Variants in MTX2 observed in about 807,000 individuals in gnomAD.
MTX2 encodes the protein metaxin-2.
A neutral mutation model predicts 42.3 loss-of-function variants in MTX2; 35 were observed. The ratio of observed to expected loss-of-function variants is 0.83; its 90% CI spans 0.63 to 1.10. The LOEUF (loss-of-function observed/expected upper bound fraction) is 1.10, where lower values mean the gene tolerates loss of function less well. MTX2 is among the 50% of genes least tolerant of loss of function. The pLI is 0.00. For missense variants in MTX2, 307 were observed against 304.1 expected (o/e 1.01, Z -0.07); for synonymous variants, 119 against 100.9 (o/e 1.18, Z -1.08).
intron 4 of MTX2, among the ~76,000 whole-genome samples, chr2:176,326,266 T>A (rs1373839413): frequency 6.6e-6 from 1 of 151,776 alleles, no homozygotes; most frequent in African/African-American, 2.4e-5. Context: ...CCAACTAGCA[T>A]GCCTTCAAAG....
At chr2:176,286,309 A>G (rs1693200193) in intron 1 of MTX2, among the ~76,000 whole-genome samples, 2 of 152,222 alleles carry the variant, frequency 1.3e-5, no homozygotes, top group Non-Finnish European at 2.9e-5. Flanking sequence ...TGTCGTTATC[A>G]TAATCATCAT....
intron 3 of MTX2, among the ~76,000 whole-genome samples, chr2:176,309,931 A>G (rs1288499317): frequency 2.6e-5 from 4 of 152,070 alleles, no homozygotes; most frequent in Admixed American, 2.6e-4. Context: ...TTATATGTGA[A>G]TTTGATCCTG....
intron 8 of MTX2, among the ~76,000 whole-genome samples, chr2:176,330,371 A>G (rs1684831411): frequency 6.7e-6 from 1 of 149,466 alleles, no homozygotes; most frequent in Non-Finnish European, 1.5e-5. Flanking sequence ...ATTTCTTATA[A>G]GTATTTCTTA....
At chr2:176,292,049 C>G (rs1693340997) in intron 1 of MTX2, among the ~76,000 whole-genome samples, 1 of 152,196 alleles carries the variant, frequency 6.6e-6, no homozygotes. Context: ...ATAAAATTTA[C>G]TTTTGATGTG....
intron 4 of MTX2, among the ~76,000 whole-genome samples, chr2:176,326,482 C>T (rs547962554): frequency 5.3e-5 from 8 of 151,664 alleles, no homozygotes; most frequent in Non-Finnish European, 1.2e-4. Flanking sequence ...GGTCATGTAC[C>T]AGTGTCCTGG....
chr2:176,312,100 T>G (rs1486130769), intron 3 of MTX2, among the ~76,000 whole-genome samples: 2 of 152,250 alleles, frequency 1.3e-5, no homozygotes, highest in Admixed American at 6.5e-5. Context: ...TAAAGCAGTA[T>G]CAACGTATTG....
chr2:176,270,455 G>A lies in MTX2; in HGVS notation c.40+786G>A, dbSNP rs369691379. The A allele has an allele frequency of 1.0e-5, 13 of 1,292,968 alleles. No homozygotes were observed. In the African/African-American group the frequency reaches 1.5e-4, roughly 15 times the overall value. 80.1% of individuals were successfully genotyped at this position (1,292,968 alleles called of 1,614,324 possible). ...TCTCTTATTGAGGTTTTTATTTATT[G>A]TAATGAAAGAAATTAAATATTGTTG... is the stretch of plus-strand genomic sequence containing the variant. On this transcript the variant is annotated intron_variant, in intron 1 of 9. Coordinates refer to ENST00000249442, the MANE Select transcript of MTX2 (RefSeq NM_006554.5).
At chr2:176,301,675 A>C (rs547203257) in intron 3 of MTX2, among the ~76,000 whole-genome samples, 170 of 152,316 alleles carry the variant, frequency 1.1e-3, no homozygotes, top group South Asian at 9.9e-3. Flanking sequence ...ATATTGGTCT[A>C]GTCCAGTGAT....
In MTX2 at chr2:176,328,920, G is replaced by T. The variant is rs200254469; in HGVS notation, c.417+8G>T. ...GAAGCTACAGTAGGGGAGGTGAGTG[G>T]TTCTGTAACATTTATCTTAATTAAA... On this transcript the variant is annotated splice_region_variant and intron_variant, in intron 7 of 9. Transcript: ENST00000249442. 6.9e-6 allele frequency: 11 copies of T among 1,600,408 alleles called. No individual in the cohort carries two copies. Among genetic ancestry groups the T allele is most frequent in the Admixed American group, 1.7e-5 (1 of 59,598 alleles).
chr2:176,286,814 G>A (rs556359575), intron 1 of MTX2, among the ~76,000 whole-genome samples: 33 of 152,294 alleles, frequency 2.2e-4, no homozygotes, highest in African/African-American at 7.5e-4. Flanking sequence ...CTCCCAAAGT[G>A]CTGGGATTAC....
chr2:176,284,675 C>G (rs1221317793), intron 1 of MTX2, among the ~76,000 whole-genome samples: 4 of 152,160 alleles, frequency 2.6e-5, no homozygotes, highest in Non-Finnish European at 5.9e-5. Context: ...TGTTTTAAAA[C>G]ATGGCTTTAA....
At chr2:176,334,241 G>C (rs1163569629) in intron 9 of MTX2, among the ~76,000 whole-genome samples, 1 of 151,674 alleles carries the variant, frequency 6.6e-6, no homozygotes, top group Non-Finnish European at 1.5e-5. Context: ...ATTAATAAAG[G>C]GTGCCCATCT....
At chr2:176,327,039 T>C in intron 5 of MTX2, 138 bp downstream of exon 5, 1 of 483,080 alleles carries the variant, frequency 2.1e-6, no homozygotes, top group African/African-American at 2.1e-5. Context: ...TTCTGAAGTG[T>C]AAGTTAGTAT....
At chr2:176,274,555 C>A (rs1692901651) in intron 1 of MTX2, among the ~76,000 whole-genome samples, 1 of 152,174 alleles carries the variant, frequency 6.6e-6, no homozygotes, top group South Asian at 2.1e-4. Context: ...TCGAGCCACA[C>A]ACACACATGC....
intron 3 of MTX2, among the ~76,000 whole-genome samples, chr2:176,303,226 T>C (rs1684067924): frequency 6.6e-6 from 1 of 152,074 alleles, no homozygotes; most frequent in Non-Finnish European, 1.5e-5. Flanking sequence ...ATGAAAAAGA[T>C]TTAAAAATTG....
rs569551319 is a variant in MTX2 at position 176,316,868 on chromosome 2, A to G, written c.136-6524A>G. On this transcript the variant is annotated intron_variant, in intron 3 of 9. Coordinates refer to ENST00000249442, the MANE Select transcript of MTX2 (RefSeq NM_006554.5). The stretch of plus-strand genomic sequence containing the variant: ...ACATATCTTGTATAATTTTATACAT[A>G]TATGTTCATATTATGTATTTATAGC... 2.0e-5 allele frequency among the ~76,000 whole-genome samples: 3 copies of G among 152,202 alleles called. No homozygotes were observed. The South Asian group carries it at 6.2e-4, about 32-fold the overall frequency.
chr2:176,310,642 T>G (rs1212561762), intron 3 of MTX2, among the ~76,000 whole-genome samples: 3 of 152,218 alleles, frequency 2.0e-5, no homozygotes, highest in African/African-American at 7.2e-5. Flanking sequence ...TTTATTTCAT[T>G]AATTTGATCT....
At chr2:176,287,392 C>T (rs1426053826) in intron 1 of MTX2, among the ~76,000 whole-genome samples, 1 of 152,166 alleles carries the variant, frequency 6.6e-6, no homozygotes, top group Non-Finnish European at 1.5e-5. Flanking sequence ...TCTGAAAATG[C>T]TCCAAAATCC....
chr2:176,275,053 A>C (rs1692916324), intron 1 of MTX2, among the ~76,000 whole-genome samples: 1 of 152,090 alleles, frequency 6.6e-6, no homozygotes, highest in Non-Finnish European at 1.5e-5. Context: ...CGTGTGTGTG[A>C]TTTTTGTCTG....
Sources: allele counts gnomAD v4.1 joint callset (sites outside exome capture counted in the v4.1 genomes callset), GRCh38; gene constraint gnomAD v4.1.1; transcripts MANE v1.5; gene names NCBI Gene and HGNC (gene_info 2026-07-23, HGNC 2026-07-21).